The following PTPRT variants were observed in gnomAD, a reference collection of about 807,000 sequenced individuals.
The protein encoded by PTPRT is receptor-type tyrosine-protein phosphatase T.
PTPRT carries 56 observed loss-of-function variants against 176.8 expected under a neutral mutation model. The ratio of observed to expected loss-of-function variants is 0.32; its 90% CI spans 0.26 to 0.40. PTPRT has a LOEUF of 0.40. PTPRT is among the 10% of genes least tolerant of loss of function. The probability of loss-of-function intolerance (pLI) is 1.00; values close to 1 mark genes in which losing one functional copy is unlikely to be tolerated. For missense variants in PTPRT, 1,540 were observed against 1,908.2 expected, an observed-to-expected ratio of 0.81 and a Z score of 3.60; for synonymous variants, 783 against 739.0, an observed-to-expected ratio of 1.06 and a Z score of -0.96.
At chr20:42,788,119 C>A (rs538783267) in intron 3 of PTPRT, among the ~76,000 whole-genome samples, 2 of 152,016 alleles carry the variant, frequency 1.3e-5, no homozygotes. Flanking sequence ...GTTAGTGACA[C>A]GTGTTAAAAA....
intron 1 of PTPRT, among the ~76,000 whole-genome samples, chr20:42,931,890 T>C (rs1255087265): frequency 1.3e-5 from 2 of 152,200 alleles, no homozygotes; most frequent in East Asian, 1.9e-4. Context: ...GTAAAGGTCA[T>C]GTCCAGTGAT....
At chr20:43,088,034 G>A (rs1278575931) in intron 1 of PTPRT, among the ~76,000 whole-genome samples, 1 of 146,174 alleles carries the variant, frequency 6.8e-6, no homozygotes. Context: ...AGGAGGATAC[G>A]GAACATTTCC....
At chr20:42,641,955 C>T (rs1486984577) in intron 7 of PTPRT, among the ~76,000 whole-genome samples, 1 of 152,150 alleles carries the variant, frequency 6.6e-6, no homozygotes, top group Non-Finnish European at 1.5e-5. Context: ...AGATACCTGT[C>T]TCACAGGCTA....
intron 9 of PTPRT, among the ~76,000 whole-genome samples, chr20:42,410,643 C>A (rs950640994): frequency 2.6e-5 from 4 of 151,940 alleles, no homozygotes; most frequent in African/African-American, 9.7e-5. Context: ...GTGCCCCTGG[C>A]AAATTCACCG....
chr20:42,032,115 T>C, the PTPRT span, among the ~76,000 whole-genome samples: 1 of 152,228 alleles, frequency 6.6e-6, no homozygotes, highest in South Asian at 2.1e-4. Flanking sequence ...GAATGCCTTT[T>C]TTTAAACTGG....
chr20:42,781,297 C>T (rs2077211993), intron 3 of PTPRT, among the ~76,000 whole-genome samples: 1 of 152,108 alleles, frequency 6.6e-6, no homozygotes, highest in South Asian at 2.1e-4. Context: ...TTGCCTTCTC[C>T]AATCCTGTAC....
At chr20:42,329,039 G>A (rs1410123459) in intron 11 of PTPRT, among the ~76,000 whole-genome samples, 1 of 151,874 alleles carries the variant, frequency 6.6e-6, no homozygotes, top group East Asian at 1.9e-4. Context: ...ACACAATAGG[G>A]GACAGATAGC....
chr20:42,810,055 G>A (rs950998727), intron 2 of PTPRT, among the ~76,000 whole-genome samples: 2 of 152,178 alleles, frequency 1.3e-5, no homozygotes, highest in Admixed American at 1.3e-4. Flanking sequence ...CACTTTGGGA[G>A]GCCGAAGTGG....
intron 12 of PTPRT, among the ~76,000 whole-genome samples, chr20:42,294,957 C>G (rs1243991391): frequency 6.6e-6 from 1 of 151,866 alleles, no homozygotes; most frequent in African/African-American, 2.4e-5. Context: ...AAAAAATTAA[C>G]AAGGATTGGT....
intron 4 of PTPRT, among the ~76,000 whole-genome samples, chr20:42,778,627 T>A (rs1278285458): frequency 6.6e-6 from 1 of 152,150 alleles, no homozygotes; most frequent in African/African-American, 2.4e-5. Flanking sequence ...ATTGAGCGCA[T>A]GCAATTAAAT....
intron 16 of PTPRT, among the ~76,000 whole-genome samples, chr20:42,185,391 T>C (rs1990735253): frequency 6.6e-6 from 1 of 152,224 alleles, no homozygotes; most frequent in Non-Finnish European, 1.5e-5. Flanking sequence ...TCTCTTCCTA[T>C]TCCTATGATT....
chr20:42,378,361 C>A (rs1048271007), intron 9 of PTPRT, among the ~76,000 whole-genome samples: 2 of 152,198 alleles, frequency 1.3e-5, no homozygotes, highest in Admixed American at 1.3e-4. Flanking sequence ...TCTTTCATCT[C>A]GAAAAGTCAG....
chr20:42,496,201 T>C (rs1403037108), intron 7 of PTPRT, among the ~76,000 whole-genome samples: 2 of 152,048 alleles, frequency 1.3e-5, no homozygotes, highest in African/African-American at 4.8e-5. Context: ...GGCTTTGCTG[T>C]CTCAAGGGTG....
rs981312061 is a variant in PTPRT, at chr20:43,091,469, C to G, written c.88+98177G>C. On this transcript the variant is annotated intron_variant, in intron 1 of 30. Coordinates refer to ENST00000373187, the MANE Select transcript of PTPRT (RefSeq NM_007050.6). Reference sequence around the variant, plus strand: ...TTCTCTCTCTCTCTCTCCCCCCTCTCTTTCTCTCTCTCTCTCTCTCTATTT... The same window carrying G: ...TTCTCTCTCTCTCTCTCCCCCCTCTGTTTCTCTCTCTCTCTCTCTCTATTT... 2.3e-5 allele frequency among the ~76,000 whole-genome samples: 3 copies of G among 129,372 alleles called. No homozygotes were observed. The South Asian group carries it at 6.9e-4, about 30-fold the overall frequency. 84.9% of individuals were successfully genotyped at this position (129,372 alleles called of 152,430 possible).
At chr20:42,653,726 G>T (rs1320362764) in intron 7 of PTPRT, among the ~76,000 whole-genome samples, 1 of 152,138 alleles carries the variant, frequency 6.6e-6, no homozygotes, top group Non-Finnish European at 1.5e-5. Context: ...TGGTTTCCAA[G>T]AACTTAATAA....
At chr20:42,742,989 C>A (rs574108857) in intron 6 of PTPRT, among the ~76,000 whole-genome samples, 21 of 152,282 alleles carry the variant, frequency 1.4e-4, no homozygotes, top group African/African-American at 5.1e-4. Context: ...CAAATTGCAG[C>A]CCTGTCTTGC....
intron 2 of PTPRT, among the ~76,000 whole-genome samples, chr20:42,810,362 G>A (rs1248318692): frequency 9.2e-5 from 14 of 152,228 alleles, no homozygotes; most frequent in East Asian, 1.9e-4. Context: ...CCTGGATGTT[G>A]GGGTGATTAC....
chr20:42,044,910 G>C, the PTPRT span, among the ~76,000 whole-genome samples: 3 of 152,120 alleles, frequency 2.0e-5, no homozygotes, highest in Non-Finnish European at 4.4e-5. Flanking sequence ...CCATTTCCTG[G>C]CCTTTTTCCC....
At chr20:42,337,747 G>T (rs138491616) in intron 11 of PTPRT, among the ~76,000 whole-genome samples, 152 of 152,272 alleles carry the variant, frequency 1.0e-3, no homozygotes, top group African/African-American at 3.6e-3. Flanking sequence ...ATCAGTATTC[G>T]ATCTGGGACC....
Sources: allele counts gnomAD v4.1 joint callset (sites outside exome capture counted in the v4.1 genomes callset), GRCh38; gene constraint gnomAD v4.1.1; transcripts MANE v1.5; gene names NCBI Gene and HGNC (gene_info 2026-07-23, HGNC 2026-07-21).